Variants in NDUFA5 observed in about 807,000 individuals in gnomAD.
NDUFA5 encodes NADH dehydrogenase [ubiquinone] 1 alpha subcomplex subunit 5.
A neutral mutation model predicts 19.8 loss-of-function variants in NDUFA5; 11 were observed. The observed-to-expected ratio is 0.56, with a 90% CI of 0.35 to 0.92. NDUFA5 has a LOEUF of 0.92. Among genes scored for constraint, NDUFA5 ranks in the 40% least tolerant of loss-of-function variants. The pLI is 0.01. For synonymous variants in NDUFA5, 47 were observed against 46.8 expected (o/e 1.00, Z -0.01); for missense variants, 109 against 134.2 (o/e 0.81, Z 0.93).
chr7:123,542,272 AT>A (rs1209274194), intron 4 of NDUFA5, 52 bp from the exon 5 acceptor site: 1 of 1,330,784 alleles, frequency 7.5e-7, no homozygotes, highest in Non-Finnish European at 1.1e-6. Context: ...TTCAACAGAT[AT>A]TTATCAGAAC....
chr7:123,577,316 C>T, the NDUFA5 span, among the ~76,000 whole-genome samples: 91 of 152,094 alleles, frequency 6.0e-4, no homozygotes, highest in African/African-American at 1.8e-3. Context: ...CATTCTTATT[C>T]GATACTGAGA....
In NDUFA5 at chr7:123,545,628, C is replaced by T. The variant is rs780117293; in HGVS notation, c.232G>A (p.Glu78Lys). 1.2e-6 allele frequency: 2 copies of T among 1,611,280 alleles called. No individual in the cohort carries two copies. The highest frequency in any genetic ancestry group is 2.2e-5 in the South Asian group (2 of 90,810). The change falls in exon 4 of 5, where the codon GAA becomes AAA. Residue 78 changes from glutamate (E) to lysine (K), a missense_variant. Glu to Lys is a moderately conservative substitution (Grantham distance 56). Transcript: ENST00000355749. ...TTCTTTACCTGAAGAATCACCTCTT[C>T]TAATTGACCGCCTTGAAGTTGGTCT... ...LEDQLQGGQL[E>K]EVILQAEHEL... is the part of the protein sequence containing the mutation.
chr7:123,574,395 C>G, the NDUFA5 span, among the ~76,000 whole-genome samples: 1 of 152,244 alleles, frequency 6.6e-6, no homozygotes, highest in South Asian at 2.1e-4. Flanking sequence ...AGATTGCTGG[C>G]TCCAGCTAAA....
the NDUFA5 span, among the ~76,000 whole-genome samples, chr7:123,579,180 C>T: frequency 2.0e-5 from 3 of 152,022 alleles, no homozygotes; most frequent in African/African-American, 7.2e-5. Flanking sequence ...TATTAATTCA[C>T]TTAGGGTAAT....
At chr7:123,549,368 G>A (rs982053429) in intron 3 of NDUFA5, among the ~76,000 whole-genome samples, 4 of 152,182 alleles carry the variant, frequency 2.6e-5, no homozygotes, top group Non-Finnish European at 4.4e-5. Context: ...AACTGGCTAT[G>A]GGAGAAAACA....
chr7:123,553,366 T>C (rs1004211377), intron 2 of NDUFA5, among the ~76,000 whole-genome samples: 1 of 152,182 alleles, frequency 6.6e-6, no homozygotes, highest in Admixed American at 6.5e-5. Context: ...CTGCCCTTTA[T>C]AAAACCATCA....
the NDUFA5 span, among the ~76,000 whole-genome samples, chr7:123,579,067 T>C: frequency 6.6e-6 from 1 of 151,964 alleles, no homozygotes; most frequent in Non-Finnish European, 1.5e-5. Flanking sequence ...GCTCCCTCCT[T>C]CCTCCCTTTT....
Position 123,540,433 on chromosome 7 carries a change from C to T in NDUFA5, c.*1686G>A, listed in dbSNP as rs1797887983. The stretch of plus-strand genomic sequence containing the variant: ...GAAAATATGACAAAAACACAGCAAG[C>T]CATCTTTGTTTCTGTGTTGTCCAAA... On this transcript the variant is annotated 3_prime_UTR_variant, in exon 5 of 5. Transcript: ENST00000355749. 6.6e-6 allele frequency: 1 copy of T among 152,018 alleles called. No homozygotes were observed. The highest frequency in any genetic ancestry group is 1.5e-5 in the Non-Finnish European group (1 of 68,002). The allele number at this position is 152,018 out of a possible 1,614,324, so 9.4% of individuals were successfully genotyped here.
the NDUFA5 span, among the ~76,000 whole-genome samples, chr7:123,566,028 A>G: frequency 6.6e-6 from 1 of 152,112 alleles, no homozygotes; most frequent in African/African-American, 2.4e-5. Flanking sequence ...AAAAAAAAAA[A>G]AAAGAAAAAA....
At chr7:123,550,260 C>T in intron 3 of NDUFA5, 1 of 461,676 alleles carries the variant, frequency 2.2e-6, no homozygotes, top group South Asian at 2.4e-5. Context: ...AGGATCTGAT[C>T]CTAGTCTCAA....
At position 123,557,572 on chromosome 7, in the gene NDUFA5, C is replaced by T; in HGVS notation, c.22-124G>A. 1.1e-5 allele frequency: 17 copies of T among 1,612,302 alleles called. No homozygotes were observed. In the South Asian group the frequency reaches 1.7e-4, roughly 16 times the overall value. ...GGTCTAAAGCCAGCTACTGGTCTCTCAGTCTCGCTTGTTTGGAGCTTTTTT... is the reference window on the plus strand; with the variant it reads ...GGTCTAAAGCCAGCTACTGGTCTCTTAGTCTCGCTTGTTTGGAGCTTTTTT... On this transcript the variant is annotated intron_variant, in intron 1 of 4. Coordinates refer to ENST00000355749, the MANE Select transcript of NDUFA5 (RefSeq NM_005000.5).
intron 2 of NDUFA5, among the ~76,000 whole-genome samples, chr7:123,552,727 A>C (rs1798398081): frequency 6.6e-6 from 1 of 151,350 alleles, no homozygotes; most frequent in African/African-American, 2.4e-5. Context: ...CTAGAAGTCC[A>C]CCTTTCTTCA....
the NDUFA5 span, among the ~76,000 whole-genome samples, chr7:123,573,286 TG>T: frequency 6.8e-6 from 1 of 146,346 alleles, no homozygotes; most frequent in Non-Finnish European, 1.5e-5. Context: ...CCTCTGGATT[TG>T]CTTTTTTTTT....
At chr7:123,546,658 A>G in intron 3 of NDUFA5, 1 of 1,282,950 alleles carries the variant, frequency 7.8e-7, no homozygotes, top group South Asian at 1.3e-5. Context: ...AAAATAATAC[A>G]TTTTGCTTTT....
chr7:123,568,805 T>G, the NDUFA5 span, among the ~76,000 whole-genome samples: 13 of 152,100 alleles, frequency 8.5e-5, no homozygotes, highest in Non-Finnish European at 1.3e-4. Context: ...GTAATTATTT[T>G]AAAAATGAAT....
the NDUFA5 span, among the ~76,000 whole-genome samples, chr7:123,590,111 A>C: frequency 6.6e-6 from 1 of 152,130 alleles, no homozygotes. Flanking sequence ...GGCTGCATAA[A>C]TGTCTTCTTT....
intron 2 of NDUFA5, 95 bp downstream of exon 2, chr7:123,557,309 A>G: frequency 6.4e-7 from 1 of 1,565,262 alleles, no homozygotes; most frequent in Non-Finnish European, 8.7e-7. Context: ...AAGGGCTTGA[A>G]ACATCTGTAT....
chr7:123,567,635 A>G, the NDUFA5 span, among the ~76,000 whole-genome samples: 1 of 152,198 alleles, frequency 6.6e-6, no homozygotes, highest in East Asian at 1.9e-4. Flanking sequence ...TGAGAGAGGC[A>G]TGAGGAAAAA....
At chr7:123,589,059 G>A in the NDUFA5 span, among the ~76,000 whole-genome samples, 4 of 151,636 alleles carry the variant, frequency 2.6e-5, no homozygotes, top group Non-Finnish European at 5.9e-5. Context: ...GCATATGTCT[G>A]TTAGGTTCAT....
Sources: allele counts gnomAD v4.1 joint callset (sites outside exome capture counted in the v4.1 genomes callset), GRCh38; gene constraint gnomAD v4.1.1; transcripts MANE v1.5; gene names NCBI Gene and HGNC (gene_info 2026-07-23, HGNC 2026-07-21).